CEP350: variants seen among roughly 807,000 people sequenced by gnomAD.
CEP350 encodes the protein centrosome-associated protein 350.
In CEP350, 126 loss-of-function variants were observed where a neutral mutation model predicts 331.8. The ratio of observed to expected loss-of-function variants is 0.38; its 90% CI spans 0.33 to 0.44. The LOEUF is 0.44. Ranked by LOEUF, CEP350 falls within the 20% of genes least tolerant of loss-of-function variation. CEP350 has a pLI of 1.00. For missense variants in CEP350, 3,406 were observed against 3,634.6 expected (o/e 0.94, Z 1.62); for synonymous variants, 1,200 against 1,259.5 (o/e 0.95, Z 1.00).
chr1:179,964,781 ATTTAC>A (rs1650883862), intron 1 of CEP350, among the ~76,000 whole-genome samples: 1 of 143,824 alleles, frequency 7.0e-6, no homozygotes, highest in Non-Finnish European at 1.5e-5. Flanking sequence ...TTTTTTTTTA[ATTTAC>A]TTAGAGGTTT....
intron 28 of CEP350, among the ~76,000 whole-genome samples, chr1:180,077,334 A>T (rs549670652): frequency 6.6e-5 from 10 of 151,912 alleles, no homozygotes; most frequent in Non-Finnish European, 1.3e-4. Context: ...CAAAAAGTGT[A>T]CAAGATCTTT....
rs1373293094 is a variant in CEP350, at chr1:179,955,075, T to G, written c.-81T>G. The G allele has an allele frequency of 4.1e-6, 6 of 1,450,120 alleles. No homozygotes were observed. The highest frequency in any genetic ancestry group is 2.9e-5 in the African/African-American group (2 of 68,052). The allele number at this position is 1,450,120 out of a possible 1,614,324, so 89.8% of individuals were successfully genotyped here. A position where few individuals can be genotyped will look rare whatever the true frequency, so the allele number is the denominator to read the frequency against. ...AGCCCTGGGGCCGGTCGGGGCGGCG[T>G]CACTGCACCCTCCGCCAGGCTCCGC... On this transcript the variant is annotated 5_prime_UTR_variant, in exon 1 of 38. Coordinates refer to ENST00000367607, the MANE Select transcript of CEP350 (RefSeq NM_014810.5).
intron 11 of CEP350, 34 bp downstream of exon 11, chr1:180,016,004 C>A: frequency 6.2e-7 from 1 of 1,610,488 alleles, no homozygotes; most frequent in South Asian, 1.1e-5. Context: ...GATTAAGATT[C>A]TTTTCATGAA....
At chr1:180,056,708 C>T (rs953287781) in intron 25 of CEP350, among the ~76,000 whole-genome samples, 3 of 151,988 alleles carry the variant, frequency 2.0e-5, no homozygotes, top group South Asian at 2.1e-4. Flanking sequence ...GTGATCCCCC[C>T]ACGTTGGCCT....
chr1:179,992,245 G>GTT (rs1449375183), intron 5 of CEP350, 24 bp downstream of exon 5: 12 of 1,440,960 alleles, frequency 8.3e-6, no homozygotes, highest in Non-Finnish European at 1.1e-5. Flanking sequence ...AAAAAAAAAG[G>GTT]TATCAAATAG....
chr1:179,992,056 C>G lies in CEP350; in HGVS notation c.236-6C>G. The G allele has an allele frequency of 6.6e-7, 1 of 1,517,246 alleles. No homozygotes were observed. The highest frequency in any genetic ancestry group is 8.8e-7 in the Non-Finnish European group (1 of 1,139,122). 94.0% of individuals were successfully genotyped at this position (1,517,246 alleles called of 1,614,324 possible). A position where few individuals can be genotyped will look rare whatever the true frequency, so the allele number is the denominator to read the frequency against. ...ATATGTTCTCACAGATTTCCTTTTC[C>G]TTCAGATGGTAGATACCTGGATGAT... On this transcript the variant is annotated splice_region_variant and splice_polypyrimidine_tract_variant and intron_variant, in intron 4 of 37. Transcript: ENST00000367607.
chr1:179,982,259 A>G (rs538860181), intron 1 of CEP350, among the ~76,000 whole-genome samples: 27 of 152,320 alleles, frequency 1.8e-4, no homozygotes, highest in African/African-American at 6.0e-4. Flanking sequence ...TTCTAGCACT[A>G]TAGATTCCTT....
At chr1:180,073,693 T>G in intron 27 of CEP350, 1 of 977,602 alleles carries the variant, frequency 1.0e-6, no homozygotes, top group Admixed American at 3.0e-5. Context: ...GGAAGCATAT[T>G]AAAAGTTCTT....
chr1:180,002,195 T>C (rs1192212572), intron 6 of CEP350, among the ~76,000 whole-genome samples: 1 of 151,966 alleles, frequency 6.6e-6, no homozygotes, highest in East Asian at 1.9e-4. Flanking sequence ...TTTGGTAGAC[T>C]TGGCGCGGTG....
chr1:180,052,862 T>G (rs1657601500), intron 22 of CEP350, 108 bp from the exon 23 acceptor site: 1 of 474,984 alleles, frequency 2.1e-6, no homozygotes, highest in Admixed American at 4.0e-5. Flanking sequence ...AGTGATCAAT[T>G]TTATGAATTT....
Position 180,112,125 on chromosome 1 carries a change from A to G in CEP350, c.*964A>G, listed in dbSNP as rs771237446. The G allele has an allele frequency of 6.6e-6, 1 of 152,642 alleles. No individual in the cohort carries two copies. Among genetic ancestry groups the G allele is most frequent in the Non-Finnish European group, 1.5e-5 (1 of 68,024 alleles). The allele number at this position is 152,642 out of a possible 1,614,324, so 9.5% of individuals were successfully genotyped here. A position where few individuals can be genotyped will look rare whatever the true frequency, so the allele number is the denominator to read the frequency against. ...CACCAAAGACAAAAAGATATTGTCT[A>G]TTGTTTGTGTGCTTGTTTTGCGCTA... On this transcript the variant is annotated 3_prime_UTR_variant, in exon 38 of 38. Coordinates refer to ENST00000367607, the MANE Select transcript of CEP350 (RefSeq NM_014810.5).
At chr1:179,977,704 A>G (rs1466900177) in intron 1 of CEP350, among the ~76,000 whole-genome samples, 1 of 152,172 alleles carries the variant, frequency 6.6e-6, no homozygotes, top group Non-Finnish European at 1.5e-5. Context: ...CTTTATAAAC[A>G]CTGTGCACTT....
intron 6 of CEP350, among the ~76,000 whole-genome samples, chr1:179,998,303 CTTT>C (rs763257368): frequency 1.8e-5 from 2 of 112,074 alleles, no homozygotes; most frequent in Non-Finnish European, 3.8e-5. Context: ...CTTCTATTTT[CTTT>C]TTTTTTTTTT....
At chr1:180,103,172 T>G (rs937596049) in intron 37 of CEP350, among the ~76,000 whole-genome samples, 2 of 152,234 alleles carry the variant, frequency 1.3e-5, no homozygotes, top group South Asian at 4.1e-4. Context: ...CACCCTAATC[T>G]TATTATGCAA....
At chr1:179,991,117 T>C (rs529095108) in intron 4 of CEP350, among the ~76,000 whole-genome samples, 69 of 152,144 alleles carry the variant, frequency 4.5e-4, no homozygotes, top group Non-Finnish European at 7.2e-4. Context: ...TTTGAGGTTA[T>C]ATATGTCTGA....
At chr1:180,073,704 C>T (rs1351774558) in intron 27 of CEP350, 1 of 1,093,594 alleles carries the variant, frequency 9.1e-7, no homozygotes, top group South Asian at 1.5e-5. Flanking sequence ...AAAAGTTCTT[C>T]ACTCAGCTCT....
At chr1:179,972,617 G>A (rs546612964) in intron 1 of CEP350, among the ~76,000 whole-genome samples, 1 of 152,158 alleles carries the variant, frequency 6.6e-6, no homozygotes, top group South Asian at 2.1e-4. Context: ...CAATTCTCCT[G>A]CCTCAGCCTC....
intron 37 of CEP350, among the ~76,000 whole-genome samples, chr1:180,101,489 C>T (rs1247114504): frequency 6.6e-6 from 1 of 152,142 alleles, no homozygotes; most frequent in Non-Finnish European, 1.5e-5. Context: ...ACTTCCTCTA[C>T]TCTCACATTA....
chr1:180,006,592 C>T, intron 8 of CEP350, 25 bp downstream of exon 8: 1 of 1,104,430 alleles, frequency 9.1e-7, no homozygotes, highest in South Asian at 1.4e-5. Flanking sequence ...CATGTCCATC[C>T]TTTTTTTTTG....
Sources: allele counts gnomAD v4.1 joint callset (sites outside exome capture counted in the v4.1 genomes callset), GRCh38; gene constraint gnomAD v4.1.1; transcripts MANE v1.5; gene names NCBI Gene and HGNC (gene_info 2026-07-23, HGNC 2026-07-21).